Variants in GOLM1 observed in about 807,000 individuals in gnomAD.
GOLM1 encodes golgi membrane protein 1.
Under a neutral mutation model 50.5 loss-of-function variants are expected in GOLM1, and 31 were observed. That is an observed-to-expected ratio of 0.61 (90% CI 0.46 to 0.83). GOLM1 has a LOEUF of 0.83. GOLM1 is among the 40% of genes least tolerant of loss of function. The pLI is 0.00. For missense variants in GOLM1, 491 were observed against 501.3 expected (o/e 0.98, Z 0.20); for synonymous variants, 178 against 192.8 (o/e 0.92, Z 0.64).
chr9:86,028,448 C>A (rs560039674), intron 9 of GOLM1, among the ~76,000 whole-genome samples: 1 of 152,234 alleles, frequency 6.6e-6, no homozygotes, highest in Admixed American at 6.5e-5. Flanking sequence ...TGCTATCCCC[C>A]TTCTGGCTCC....
rs1187443569 is a variant in GOLM1, at chr9:86,033,186, C to A, written c.1129+96G>T. The A allele has an allele frequency of 1.3e-5, 9 of 717,068 alleles. No homozygotes were observed. The East Asian group carries it at 1.5e-4, about 12-fold the overall frequency. The allele number at this position is 717,068 out of a possible 1,614,324, so 44.4% of individuals were successfully genotyped here. ...TCTCCTTGAAATGACCCATTAATTA[C>A]AATATAATTTTGGGGATTCATTGGA... is the stretch of plus-strand genomic sequence containing the variant. On this transcript the variant is annotated intron_variant, in intron 9 of 9. Transcript: ENST00000388712.
At chr9:86,038,686 A>G (rs990092126) in intron 6 of GOLM1, among the ~76,000 whole-genome samples, 1 of 152,240 alleles carries the variant, frequency 6.6e-6, no homozygotes, top group African/African-American at 2.4e-5. Flanking sequence ...TCAGTGGGGG[A>G]AAAGCAGTCT....
At chr9:86,037,438 CA>C (rs112398885) in intron 6 of GOLM1, among the ~76,000 whole-genome samples, 5,714 of 59,176 alleles carry the variant, frequency 0.097, 244 homozygotes, top group African/African-American at 0.25. Flanking sequence ...GACTGTCTCT[CA>C]AAAAAAAAAA....
intron 5 of GOLM1, 42 bp downstream of exon 5, chr9:86,046,428 C>T (rs1411148835): frequency 3.4e-6 from 4 of 1,181,864 alleles, no homozygotes; most frequent in Admixed American, 1.7e-5. Context: ...TCCCAGGTGC[C>T]GTGCACCCTG....
At position 86,072,782 on chromosome 9, in the gene GOLM1, T is replaced by C. The variant is rs868423494; in HGVS notation, c.309+4630A>G. 5.3e-5 allele frequency among the ~76,000 whole-genome samples: 8 copies of C among 152,362 alleles called. No individual in the cohort carries two copies. The South Asian group carries it at 8.3e-4, about 16-fold the overall frequency. On this transcript the variant is annotated intron_variant, in intron 3 of 9. Coordinates refer to ENST00000388712, the MANE Select transcript of GOLM1 (RefSeq NM_016548.4). Reference sequence around the variant, plus strand: ...GTGTAACCATCATAGAATGCACTTATACAAACCTGGATATTATAGCCTACT... The same window carrying C: ...GTGTAACCATCATAGAATGCACTTACACAAACCTGGATATTATAGCCTACT...
chr9:86,032,446 T>A (rs1833014527), intron 9 of GOLM1, among the ~76,000 whole-genome samples: 1 of 151,908 alleles, frequency 6.6e-6, no homozygotes. Flanking sequence ...GGATTACAGG[T>A]GTGAGCCACC....
At chr9:86,059,543 G>A (rs181827166) in intron 3 of GOLM1, among the ~76,000 whole-genome samples, 23 of 152,292 alleles carry the variant, frequency 1.5e-4, no homozygotes, top group Admixed American at 1.4e-3. Flanking sequence ...CCAGGGGCTA[G>A]GGGAAGAGGG....
chr9:86,035,634 A>G lies in GOLM1; in HGVS notation c.758-9T>C, dbSNP rs1267566080. The G allele has an allele frequency of 1.3e-6, 2 of 1,571,976 alleles. No homozygotes were observed. The highest frequency in any genetic ancestry group is 1.7e-6 in the Non-Finnish European group (2 of 1,155,718). The stretch of plus-strand genomic sequence containing the variant: ...GATCTCATTGGTTTCCTCTGTGCAC[A>G]GAACACAGTTAGCTGTGACCTTGCC... On this transcript the variant is annotated splice_polypyrimidine_tract_variant and intron_variant, in intron 7 of 9. Transcript: ENST00000388712.
At position 86,027,421 on chromosome 9, in the gene GOLM1, C is replaced by T. The variant is rs535318474; in HGVS notation, c.*396G>A. 48 of 1,017,126 alleles carry T rather than the reference C, an allele frequency of 4.7e-5. No homozygotes were observed. The highest frequency in any genetic ancestry group is 4.9e-4 in the Middle Eastern group (1 of 2,038). 63.0% of individuals were successfully genotyped at this position (1,017,126 alleles called of 1,614,324 possible). Reference sequence around the variant, plus strand: ...TTGGTACAGCACGTGGACAGGACGACGGAACCCAGAGTTCTCTGTCTCTCC... The same window carrying T: ...TTGGTACAGCACGTGGACAGGACGATGGAACCCAGAGTTCTCTGTCTCTCC... On this transcript the variant is annotated 3_prime_UTR_variant, in exon 10 of 10. Transcript: ENST00000388712.
At chr9:86,053,517 CA>C (rs1463663160) in intron 3 of GOLM1, among the ~76,000 whole-genome samples, 1 of 144,296 alleles carries the variant, frequency 6.9e-6, no homozygotes. Flanking sequence ...CTGCTCCACA[CA>C]ACACACCACT....
chr9:86,029,619 A>G (rs1386440065), intron 9 of GOLM1, among the ~76,000 whole-genome samples: 5 of 83,726 alleles, frequency 6.0e-5, no homozygotes, highest in Non-Finnish European at 1.2e-4. Flanking sequence ...AATTAACGGT[A>G]TCTGTTAAAG....
rs7023469 is a variant in GOLM1 at position 86,049,151 on chromosome 9, G to C, written c.365-2579C>G. Among the ~76,000 whole-genome samples the C allele has an allele frequency of 6.0e-5, 9 of 150,746 alleles. 1 individual carries two copies. Among genetic ancestry groups the C allele is most frequent in the Non-Finnish European group, 1.2e-4 (8 of 67,230 alleles). ...TAGGGAATCCTTTCCCCATTTCTTT[G>C]GTCAGGTTTGTCAAAGATCAGATGG... On this transcript the variant is annotated intron_variant, in intron 4 of 9. Coordinates refer to ENST00000388712, the MANE Select transcript of GOLM1 (RefSeq NM_016548.4).
chr9:86,065,151 C>G (rs888646948), intron 3 of GOLM1, among the ~76,000 whole-genome samples: 9 of 152,186 alleles, frequency 5.9e-5, no homozygotes, highest in African/African-American at 1.7e-4. Flanking sequence ...CCACAGCTTA[C>G]AGTATCTATT....
At chr9:86,042,848 A>C (rs1480196653) in intron 5 of GOLM1, among the ~76,000 whole-genome samples, 1 of 152,208 alleles carries the variant, frequency 6.6e-6, no homozygotes, top group Non-Finnish European at 1.5e-5. Flanking sequence ...CCAGGAACAA[A>C]CTACCTCCAT....
At chr9:86,028,871 C>T (rs1231193646) in intron 9 of GOLM1, among the ~76,000 whole-genome samples, 5 of 120,770 alleles carry the variant, frequency 4.1e-5, no homozygotes, top group Admixed American at 2.0e-4. Flanking sequence ...TTTTTTGAGA[C>T]GGAGTCTGGC....
chr9:86,057,717 G>C (rs1295039960), intron 3 of GOLM1, among the ~76,000 whole-genome samples: 1 of 152,220 alleles, frequency 6.6e-6, no homozygotes, highest in Non-Finnish European at 1.5e-5. Context: ...TGGAGGGCAA[G>C]AAGGTGCTGG....
At chr9:86,053,295 A>ACACAC (rs1351180108) in intron 3 of GOLM1, among the ~76,000 whole-genome samples, 4 of 128,194 alleles carry the variant, frequency 3.1e-5, no homozygotes, top group Non-Finnish European at 6.5e-5. Flanking sequence ...ATTCCACACC[A>ACACAC]CACACCACAC....
chr9:86,038,988 A>G (rs1187175353), intron 6 of GOLM1, among the ~76,000 whole-genome samples: 1 of 152,164 alleles, frequency 6.6e-6, no homozygotes, highest in Non-Finnish European at 1.5e-5. Context: ...CTTCAACTAA[A>G]CACCAGCAAG....
At chr9:86,093,851 A>T (rs1330731138) in intron 1 of GOLM1, among the ~76,000 whole-genome samples, 2 of 152,222 alleles carry the variant, frequency 1.3e-5, no homozygotes, top group African/African-American at 2.4e-5. Context: ...CAGAAAAGCA[A>T]ATATATAGGA....
Sources: allele counts gnomAD v4.1 joint callset (sites outside exome capture counted in the v4.1 genomes callset), GRCh38; gene constraint gnomAD v4.1.1; transcripts MANE v1.5; gene names NCBI Gene and HGNC (gene_info 2026-07-23, HGNC 2026-07-21).